DEDD: variants seen among roughly 807,000 people sequenced by gnomAD.
DEDD encodes the protein death effector domain containing.
DEDD carries 3 observed loss-of-function variants against 29.2 expected under a neutral mutation model. The observed-to-expected ratio is 0.10, with a 90% CI of 0.05 to 0.27. The LOEUF is 0.27. Ranked by LOEUF, DEDD falls within the 10% of genes least tolerant of loss-of-function variation. The pLI, the probability that DEDD is intolerant of heterozygous loss-of-function variation, is 1.00. For missense variants in DEDD, 261 were observed against 420.5 expected, an observed-to-expected ratio of 0.62 and a Z score of 3.32; for synonymous variants, 152 against 161.3, an observed-to-expected ratio of 0.94 and a Z score of 0.44.
chr1:161,126,887 T>C (rs1382335449), intron 2 of DEDD, among the ~76,000 whole-genome samples: 1 of 152,180 alleles, frequency 6.6e-6, no homozygotes, highest in Admixed American at 6.5e-5. Context: ...ACTCATTCTT[T>C]AAGAGTCAGC....
At chr1:161,123,808 T>G in intron 4 of DEDD, 31 bp downstream of exon 4, 1 of 1,575,338 alleles carries the variant, frequency 6.3e-7, no homozygotes, top group South Asian at 1.1e-5. Flanking sequence ...TACTTGATGA[T>G]GGAAAGCAGG....
chr1:161,128,786 A>G (rs1215350356), intron 2 of DEDD, among the ~76,000 whole-genome samples: 1 of 152,120 alleles, frequency 6.6e-6, no homozygotes, highest in Non-Finnish European at 1.5e-5. Context: ...CCCTCCATCC[A>G]AACCCATCAA....
At position 161,132,622 on chromosome 1, in the gene DEDD, G is replaced by C. The variant is rs1204863351; in HGVS notation, c.-169C>G. The C allele has an allele frequency of 6.0e-6, 1 of 165,658 alleles. No homozygotes were observed. Among genetic ancestry groups the C allele is most frequent in the East Asian group, 1.8e-4 (1 of 5,676 alleles). The allele number at this position is 165,658 out of a possible 1,614,324, so 10.3% of individuals were successfully genotyped here. ...TCTCCCGGGCCTGCCTCACGGCGCCGCATCCGGGCTCCAGCAGCCGCCGCC... is the reference window on the plus strand; with the variant it reads ...TCTCCCGGGCCTGCCTCACGGCGCCCCATCCGGGCTCCAGCAGCCGCCGCC... On this transcript the variant is annotated 5_prime_UTR_variant, in exon 1 of 6. Coordinates refer to ENST00000368006, the MANE Select transcript of DEDD (RefSeq NM_032998.3).
chr1:161,121,803 C>T lies in DEDD; in HGVS notation c.*344G>A, dbSNP rs918195537. ...CATAAAGCCAGAAGTATTGATAACT[C>T]CTTAGTGCATCCAAAAAAAAGTGTT... On this transcript the variant is annotated 3_prime_UTR_variant, in exon 6 of 6. Coordinates refer to ENST00000368006, the MANE Select transcript of DEDD (RefSeq NM_032998.3). 1 of 214,936 alleles carries T rather than the reference C, an allele frequency of 4.7e-6. No homozygotes were observed. Among genetic ancestry groups the T allele is most frequent in the African/African-American group, 2.3e-5 (1 of 44,330 alleles). The allele number at this position is 214,936 out of a possible 1,614,324, so 13.3% of individuals were successfully genotyped here. A position where few individuals can be genotyped will look rare whatever the true frequency, so the allele number is the denominator to read the frequency against.
chr1:161,131,482 TTC>T (rs986033331), intron 1 of DEDD, among the ~76,000 whole-genome samples: 4 of 152,148 alleles, frequency 2.6e-5, no homozygotes, highest in African/African-American at 9.7e-5. Context: ...ACTCTATCTT[TTC>T]TCTTTCCCTC....
chr1:161,122,125 C>G lies in DEDD; in HGVS notation c.*22G>C. The G allele has an allele frequency of 6.2e-7, 1 of 1,610,286 alleles. No individual in the cohort carries two copies. Among genetic ancestry groups the G allele is most frequent in the Non-Finnish European group, 8.5e-7 (1 of 1,178,686 alleles). Reference sequence around the variant, plus strand: ...AGAGGTGGGTGATGGGAACAGTCCCCAAAGTGAGAAGAGGGAATAGGTCAG... The same window carrying G: ...AGAGGTGGGTGATGGGAACAGTCCCGAAAGTGAGAAGAGGGAATAGGTCAG... On this transcript the variant is annotated 3_prime_UTR_variant, in exon 6 of 6. Coordinates refer to ENST00000368006, the MANE Select transcript of DEDD (RefSeq NM_032998.3). This position sits in a 1 kb window ranked among gnomAD's most constrained non-coding sequence, Gnocchi z 4.2.
In DEDD at chr1:161,122,024, T is replaced by TAAAAAA; in HGVS notation, c.*117_*122dup. 2 of 1,068,148 alleles carry TAAAAAA rather than the reference T, an allele frequency of 1.9e-6. No individual in the cohort carries two copies. The highest frequency in any genetic ancestry group is 2.6e-6 in the Non-Finnish European group (2 of 781,930). 66.2% of individuals were successfully genotyped at this position (1,068,148 alleles called of 1,614,324 possible). On this transcript the variant is annotated 3_prime_UTR_variant, in exon 6 of 6. Transcript: ENST00000368006. The surrounding 1 kb of genome is among the most constrained non-coding windows in gnomAD (Gnocchi z 4.2). ...TTCCACTTTCTTTTGTCTTTTTCTTTAAAAAAAAAAAAAAAAAGGCAGGGG... is the reference window on the plus strand; with the variant it reads ...TTCCACTTTCTTTTGTCTTTTTCTTTAAAAAAAAAAAAAAAAAAAAAAAGGCAGGGG...
At chr1:161,123,741 C>T in intron 4 of DEDD, 98 bp downstream of exon 4, 2 of 1,087,872 alleles carry the variant, frequency 1.8e-6, no homozygotes, top group Non-Finnish European at 2.7e-6. Context: ...TGTGGGCGCA[C>T]AGCATCCTTT....
chr1:161,122,836 C>T lies in DEDD; in HGVS notation c.580+239G>A, dbSNP rs1366811762. 1.3e-6 allele frequency: 1 copy of T among 774,772 alleles called. No homozygotes were observed. The highest frequency in any genetic ancestry group is 2.1e-6 in the Non-Finnish European group (1 of 482,960). 48.0% of individuals were successfully genotyped at this position (774,772 alleles called of 1,614,324 possible). On this transcript the variant is annotated intron_variant, in intron 5 of 5. Coordinates refer to ENST00000368006, the MANE Select transcript of DEDD (RefSeq NM_032998.3). The surrounding 1 kb of genome is among the most constrained non-coding windows in gnomAD (Gnocchi z 4.2). Reference sequence around the variant, plus strand: ...TTAATACTCGACTTGGCTCATCCTACAATAAGGATGTCATAACAACATCCC... The same window carrying T: ...TTAATACTCGACTTGGCTCATCCTATAATAAGGATGTCATAACAACATCCC...
Position 161,123,124 on chromosome 1 carries a change from T to C in DEDD, c.531A>G (p.Arg177=), listed in dbSNP as rs1316006704. ...CTGGTGTCACTGACTTCCGGCGTTT[T>C]CGCTGGCTCCCAAGTGTGGCTCTCC... ...ARGRATLGSQ[R]KRRKSVTPDP... The change falls in exon 5 of 6, where the codon CGA becomes CGG. Residue 177 remains arginine (R), a synonymous_variant. Coordinates refer to ENST00000368006, the MANE Select transcript of DEDD (RefSeq NM_032998.3). 6.2e-7 allele frequency: 1 copy of C among 1,614,230 alleles called. No individual in the cohort carries two copies. The highest frequency in any genetic ancestry group is 8.5e-7 in the Non-Finnish European group (1 of 1,180,044).
In DEDD at chr1:161,123,883, G is replaced by A; in HGVS notation, c.389C>T (p.Ala130Val). Residue 130 changes from alanine (A) to valine (V), a missense_variant, in exon 4 of 6, where the codon GCC becomes GTC. Transcript: ENST00000368006. Reference protein sequence around the residue: ...ETSIRYVTPRALSDPEPRPPQ... With the variant: ...ETSIRYVTPRVLSDPEPRPPQ... ...AGGCCTTGGTTCTGGATCACTGAGG[G>A]CTCTGGGGGTCACATAGCGAATTGA... The A allele has an allele frequency of 5.0e-6, 8 of 1,614,042 alleles. No homozygotes were observed. The highest frequency in any genetic ancestry group is 6.8e-6 in the Non-Finnish European group (8 of 1,180,008).
rs1655912138 is a variant in DEDD at position 161,124,300 on chromosome 1, C to T, written c.163G>A (p.Asp55Asn). The T allele has an allele frequency of 6.2e-7, 1 of 1,614,102 alleles. No homozygotes were observed. The highest frequency in any genetic ancestry group is 8.5e-7 in the Non-Finnish European group (1 of 1,180,050). ...TTTCGGATGAGTCCACGCTCGTGGT[C>T]ATCAATGACATCAACAAAGAGGAAA... ...LSFLFVDVID[D>N]HERGLIRNGR... is the part of the protein sequence containing the mutation. The change falls in exon 3 of 6, where the codon GAC (aspartate) becomes AAC (asparagine). Residue 55 changes from aspartate to asparagine, a missense_variant. By Grantham distance (23) the Asp-to-Asn change is conservative. Around this residue, in one of 2 missense-constraint regions of DEDD, gnomAD observed 203 missense variants for 268.7 expected, o/e 0.76. Coordinates refer to ENST00000368006, the MANE Select transcript of DEDD (RefSeq NM_032998.3).
At chr1:161,127,852 C>T (rs1656322090) in intron 2 of DEDD, among the ~76,000 whole-genome samples, 1 of 152,180 alleles carries the variant, frequency 6.6e-6, no homozygotes, top group Admixed American at 6.5e-5. Context: ...TTGTGAGGCT[C>T]TCAGATAAAG....
At chr1:161,130,071 T>C (rs1656538749) in intron 2 of DEDD, among the ~76,000 whole-genome samples, 1 of 152,196 alleles carries the variant, frequency 6.6e-6, no homozygotes, top group Non-Finnish European at 1.5e-5. Flanking sequence ...TCTGTAGTTT[T>C]TGAGGTACTT....
At position 161,128,591 on chromosome 1, in the gene DEDD, A is replaced by G. The variant is rs868428245; in HGVS notation, c.-65+2224T>C. On this transcript the variant is annotated intron_variant, in intron 2 of 5. Transcript: ENST00000368006. ...AGTCCAGCCCAGGTGACAGAGTGAA[A>G]CCCTGTCTCAAAAGAAAAAAGAAAC... Among the ~76,000 whole-genome samples the G allele has an allele frequency of 9.9e-5, 15 of 152,190 alleles. 1 individual carries two copies. Among genetic ancestry groups the G allele is most frequent in the African/African-American group, 3.6e-4 (15 of 41,516 alleles).
At chr1:161,128,714 T>A (rs556941122) in intron 2 of DEDD, among the ~76,000 whole-genome samples, 18 of 152,018 alleles carry the variant, frequency 1.2e-4, no homozygotes, top group Middle Eastern at 3.4e-3. Context: ...AGGTGGAGCA[T>A]GGTAAAGGGT....
At position 161,121,236 on chromosome 1, in the gene DEDD, G is replaced by A. The variant is rs939489702; in HGVS notation, c.*911C>T. 74 of 962,616 alleles carry A rather than the reference G, an allele frequency of 7.7e-5. No homozygotes were observed. The highest frequency in any genetic ancestry group is 5.3e-4 in the Middle Eastern group (1 of 1,892). 59.6% of individuals were successfully genotyped at this position (962,616 alleles called of 1,614,324 possible). The stretch of plus-strand genomic sequence containing the variant: ...CATTCTCCCAAGCATGGGAGTGGGC[G>A]TAGGAGTGGAGGAGGGGGAAGGAAA... On this transcript the variant is annotated 3_prime_UTR_variant, in exon 6 of 6. Transcript: ENST00000368006.
At chr1:161,127,601 T>C (rs1656302393) in intron 2 of DEDD, among the ~76,000 whole-genome samples, 1 of 152,220 alleles carries the variant, frequency 6.6e-6, no homozygotes, top group Non-Finnish European at 1.5e-5. Flanking sequence ...GTAATCCATA[T>C]ATAGTTTTGA....
At chr1:161,131,045 C>T (rs1656624886) in intron 1 of DEDD, 198 bp from the exon 2 acceptor site, 1 of 152,172 alleles carries the variant, frequency 6.6e-6, no homozygotes, top group African/African-American at 2.4e-5. Flanking sequence ...CTCTATTAGT[C>T]AATTTACAAA....
Sources: gnomAD v4.1 joint callset for allele counts (sites outside exome capture counted in the v4.1 genomes callset) on GRCh38, gnomAD v4.1.1 for gene constraint, gnomAD v4.1.1 regional missense constraint, Gnocchi (gnomAD v3.1) non-coding constraint, MANE v1.5 for transcripts, NCBI Gene and HGNC (gene_info 2026-07-23, HGNC 2026-07-21) for gene names.